Variants in PIAS4 observed in about 807,000 individuals in gnomAD.
PIAS4 encodes E3 SUMO-protein ligase PIAS4.
PIAS4 carries 7 observed loss-of-function variants against 58.0 expected under a neutral mutation model. The observed-to-expected ratio is 0.12, with a 90% CI of 0.07 to 0.23. The LOEUF is 0.23. Among genes scored for constraint, PIAS4 ranks in the 10% least tolerant of loss-of-function variants. The probability of loss-of-function intolerance (pLI) is 1.00; values close to 1 mark genes in which losing one functional copy is unlikely to be tolerated. For synonymous variants in PIAS4, 364 were observed against 312.4 expected (o/e 1.17, Z -1.74); for missense variants, 550 against 709.5 (o/e 0.78, Z 2.55).
intron 2 of PIAS4, among the ~76,000 whole-genome samples, chr19:4,016,336 C>T (rs552833531): frequency 6.6e-5 from 10 of 152,360 alleles, no homozygotes; most frequent in Admixed American, 1.3e-4. Flanking sequence ...CCTGCCCACC[C>T]GCCTGCTGTG....
Position 4,037,429 on chromosome 19 carries a change from G to T in PIAS4, c.1198G>T (p.Val400Leu). 6.2e-7 allele frequency: 1 copy of T among 1,611,770 alleles called. No homozygotes were observed. Among genetic ancestry groups the T allele is most frequent in the South Asian group, 1.1e-5 (1 of 91,046 alleles). ...GGACGCCGACGAGATCGAGTACCTG[G>T]TGGACGGCTCGTGGTGCCCGATCCG... ...CEDADEIEYL[V>L]DGSWCPIRAE... The change falls in exon 10 of 11, where the codon GTG becomes TTG. Residue 400 changes from valine (V) to leucine (L), a missense_variant. Physicochemically the swap from Val to Leu is conservative, Grantham distance 32. Around this residue, in one of 4 missense-constraint regions of PIAS4, gnomAD observed 188 missense variants for 192.0 expected, o/e 0.98. Coordinates refer to ENST00000262971, the MANE Select transcript of PIAS4 (RefSeq NM_015897.4). The surrounding 1 kb of genome is among the most constrained non-coding windows in gnomAD (Gnocchi z 5.8).
intron 2 of PIAS4, among the ~76,000 whole-genome samples, chr19:4,021,937 C>G (rs2040114159): frequency 6.6e-6 from 1 of 151,616 alleles, no homozygotes; most frequent in South Asian, 2.1e-4. Context: ...TTTGTAGAGA[C>G]AAGGTCTCAC....
chr19:4,021,452 G>A (rs1441288778), intron 2 of PIAS4, among the ~76,000 whole-genome samples: 1 of 151,650 alleles, frequency 6.6e-6, no homozygotes, highest in Non-Finnish European at 1.5e-5. Flanking sequence ...GCCTGGGTGT[G>A]TAGAGAGGAT....
rs2040314955 is a variant in PIAS4, at chr19:4,037,683, G to GGGT, written c.1344_1346dup (p.Gly451dup). 1.9e-6 allele frequency: 3 copies of GGGT among 1,611,840 alleles called. No homozygotes were observed. Among genetic ancestry groups the GGGT allele is most frequent in the South Asian group, 2.2e-5 (2 of 91,026 alleles). On this transcript the variant is annotated inframe_insertion, in exon 11 of 11. Coordinates refer to ENST00000262971, the MANE Select transcript of PIAS4 (RefSeq NM_015897.4). The surrounding 1 kb of genome is among the most constrained non-coding windows in gnomAD (Gnocchi z 5.8). ...ACGGGAGCGGTGCCCTGGGCAGCAC[G>GGGT]GGTGGCGGCGGCCCGGTGGGCAGCA...
chr19:4,037,351 G>A lies in PIAS4; in HGVS notation c.1143-23G>A, dbSNP rs538908843. ...GGGGTGGGGCACCTCCAGCCCCGGC[G>A]TCAGCTGTCCGCCTCGCCCCAGGCT... is the stretch of plus-strand genomic sequence containing the variant. On this transcript the variant is annotated intron_variant, in intron 9 of 10. Transcript: ENST00000262971. The surrounding 1 kb of genome is among the most constrained non-coding windows in gnomAD (Gnocchi z 5.8). 4.7e-4 allele frequency: 747 copies of A among 1,589,252 alleles called. 5 individuals carry two copies. In the South Asian group the frequency reaches 7.8e-3, roughly 17 times the overall value.
chr19:4,033,861 G>C (rs2040249467), intron 9 of PIAS4, among the ~76,000 whole-genome samples: 1 of 152,212 alleles, frequency 6.6e-6, no homozygotes, highest in Non-Finnish European at 1.5e-5. Flanking sequence ...GTGTGACCCT[G>C]AGCTCCAGGA....
chr19:4,026,122 G>A (rs1277887836), intron 3 of PIAS4, among the ~76,000 whole-genome samples: 1 of 148,720 alleles, frequency 6.7e-6, no homozygotes, highest in African/African-American at 2.5e-5. Context: ...AAAGCTTCTG[G>A]ACATTTCTTT....
intron 9 of PIAS4, among the ~76,000 whole-genome samples, chr19:4,035,206 A>G (rs1404635573): frequency 6.6e-6 from 1 of 152,124 alleles, no homozygotes; most frequent in Admixed American, 6.5e-5. Context: ...AGGGTGGCCC[A>G]GAGTGGGACG....
chr19:4,023,830 A>G (rs62131497), intron 2 of PIAS4, among the ~76,000 whole-genome samples: 27,947 of 152,224 alleles, frequency 0.18, 3,948 homozygotes, highest in African/African-American at 0.4. Context: ...GACACAGGCC[A>G]TGGTGAGCGG....
At chr19:4,035,656 C>CAA (rs761427409) in intron 9 of PIAS4, among the ~76,000 whole-genome samples, 5 of 151,472 alleles carry the variant, frequency 3.3e-5, no homozygotes, top group Non-Finnish European at 7.4e-5. Flanking sequence ...TCACTCCAGC[C>CAA]TGTTTCCTGA....
chr19:4,026,247 C>T (rs2040163459), intron 3 of PIAS4, among the ~76,000 whole-genome samples: 1 of 145,182 alleles, frequency 6.9e-6, no homozygotes, highest in Non-Finnish European at 1.5e-5. Context: ...ATTCTCCTGA[C>T]TCAGCCTCCC....
chr19:4,007,873 C>A, intron 1 of PIAS4, 86 bp downstream of exon 1: 1 of 1,061,078 alleles, frequency 9.4e-7, no homozygotes, highest in Non-Finnish European at 1.2e-6. Context: ...GCCTTCTGTC[C>A]GGGGCCCCAC....
chr19:4,018,130 A>G (rs1047316295), intron 2 of PIAS4, among the ~76,000 whole-genome samples: 2 of 151,630 alleles, frequency 1.3e-5, no homozygotes, highest in African/African-American at 2.4e-5. Flanking sequence ...CCTTTTAAAA[A>G]CTCCCTGTGT....
intron 7 of PIAS4, among the ~76,000 whole-genome samples, chr19:4,032,001 G>A (rs976443540): frequency 2.0e-5 from 3 of 152,178 alleles, no homozygotes; most frequent in African/African-American, 7.2e-5. Context: ...GCTCAAGCAG[G>A]GGAGCTGCTG....
chr19:4,007,813 C>T (rs1054086946), intron 1 of PIAS4, 26 bp downstream of exon 1: 46 of 1,208,506 alleles, frequency 3.8e-5, no homozygotes, highest in Non-Finnish European at 4.2e-5. Context: ...CGGCGCCGGC[C>T]GGGGCAAGTG....
At chr19:4,024,939 A>G (rs1568216717) in intron 3 of PIAS4, among the ~76,000 whole-genome samples, 1 of 152,032 alleles carries the variant, frequency 6.6e-6, no homozygotes, top group Non-Finnish European at 1.5e-5. Context: ...CTAATCTTGT[A>G]TTTTTAGTAG....
chr19:4,037,273 A>G lies in PIAS4; in HGVS notation c.1143-101A>G. On this transcript the variant is annotated intron_variant, in intron 9 of 10. Coordinates refer to ENST00000262971, the MANE Select transcript of PIAS4 (RefSeq NM_015897.4). The surrounding 1 kb of genome is among the most constrained non-coding windows in gnomAD (Gnocchi z 5.8). ...GTGGTGAGGCTGCTCTTGCAGAGAG[A>G]AGTGGGGAGTGCCTGGCTGCATCCG... The G allele has an allele frequency of 1.4e-6, 2 of 1,415,394 alleles. No individual in the cohort carries two copies. The highest frequency in any genetic ancestry group is 2.4e-5 in the East Asian group (1 of 41,886). The allele number at this position is 1,415,394 out of a possible 1,614,324, so 87.7% of individuals were successfully genotyped here.
At chr19:4,025,692 T>TTTCTCAGCCTTGTCC (rs1163614953) in intron 3 of PIAS4, among the ~76,000 whole-genome samples, 2 of 151,964 alleles carry the variant, frequency 1.3e-5, no homozygotes, top group Non-Finnish European at 2.9e-5. Context: ...CAGCCTCGTC[T>TTTCTCAGCCTTGTCC]TCCTTGTCTA....
chr19:4,017,510 GC>G (rs1469475594), intron 2 of PIAS4, among the ~76,000 whole-genome samples: 1 of 152,082 alleles, frequency 6.6e-6, no homozygotes, highest in Non-Finnish European at 1.5e-5. Flanking sequence ...TGACTGTGCT[GC>G]CTCTACTCTT....
Sources: gnomAD v4.1 joint callset for allele counts (sites outside exome capture counted in the v4.1 genomes callset) on GRCh38, gnomAD v4.1.1 for gene constraint, gnomAD v4.1.1 regional missense constraint, Gnocchi (gnomAD v3.1) non-coding constraint, MANE v1.5 for transcripts, NCBI Gene and HGNC (gene_info 2026-07-23, HGNC 2026-07-21) for gene names.